Variants in FAM171B observed in about 807,000 individuals in gnomAD.
FAM171B encodes the protein protein FAM171B.
In FAM171B, 19 loss-of-function variants were observed where a neutral mutation model predicts 75.6. The observed-to-expected ratio is 0.25, with a 90% CI of 0.18 to 0.37. FAM171B has a LOEUF of 0.37. FAM171B is among the 10% of genes least tolerant of loss of function. The pLI, the probability that FAM171B is intolerant of heterozygous loss-of-function variation, is 1.00. For synonymous variants in FAM171B, 367 were observed against 361.7 expected, an observed-to-expected ratio of 1.01 and a Z score of -0.17; for missense variants, 848 against 982.4, an observed-to-expected ratio of 0.86 and a Z score of 1.83.
At chr2:186,747,036 G>T in intron 3 of FAM171B, 56 bp from the exon 4 acceptor site, 1 of 1,332,448 alleles carries the variant, frequency 7.5e-7, no homozygotes, top group Non-Finnish European at 1.0e-6. Context: ...CCTGACCAAT[G>T]CTGCTATGCT....
intron 1 of FAM171B, among the ~76,000 whole-genome samples, chr2:186,703,850 T>C (rs1354328581): frequency 6.6e-6 from 1 of 152,098 alleles, no homozygotes; most frequent in Non-Finnish European, 1.5e-5. Flanking sequence ...ATCCATTTAC[T>C]GTAAGAATGA....
intron 1 of FAM171B, among the ~76,000 whole-genome samples, chr2:186,700,596 T>C (rs997740568): frequency 6.6e-6 from 1 of 152,234 alleles, no homozygotes; most frequent in African/African-American, 2.4e-5. Flanking sequence ...TATTGCTGAA[T>C]AAATTGTATG....
chr2:186,758,455 G>A (rs918204795), intron 6 of FAM171B, among the ~76,000 whole-genome samples: 1 of 152,120 alleles, frequency 6.6e-6, no homozygotes, highest in Non-Finnish European at 1.5e-5. Flanking sequence ...GCAGGTGGGA[G>A]CCTTATGCTG....
chr2:186,720,840 A>G (rs754094298), intron 1 of FAM171B, among the ~76,000 whole-genome samples: 4 of 152,150 alleles, frequency 2.6e-5, no homozygotes, highest in African/African-American at 4.8e-5. Flanking sequence ...AAAATTGAAG[A>G]TAACAGTAAT....
chr2:186,762,652 G>C lies in FAM171B; in HGVS notation c.2310G>C (p.Val770=), dbSNP rs1690637481. 4.3e-6 allele frequency: 7 copies of C among 1,613,206 alleles called. No homozygotes were observed. Among genetic ancestry groups the C allele is most frequent in the Admixed American group, 1.7e-5 (1 of 59,824 alleles). The part of the protein sequence containing the change: ...LRHILDGGSG[V]IMEHPGEESP... ...ACATCCTAGATGGAGGGAGTGGAGTGATCATGGAGCACCCTGGAGAAGAGT... is the reference window on the plus strand; with the variant it reads ...ACATCCTAGATGGAGGGAGTGGAGTCATCATGGAGCACCCTGGAGAAGAGT... Residue 770 remains valine (V), a synonymous_variant, in exon 8 of 8, where the codon GTG becomes GTC. Transcript: ENST00000304698. This position sits in a 1 kb window ranked among gnomAD's most constrained non-coding sequence, Gnocchi z 4.0.
At chr2:186,725,418 G>A (rs1026505887) in intron 1 of FAM171B, among the ~76,000 whole-genome samples, 14 of 152,058 alleles carry the variant, frequency 9.2e-5, no homozygotes, top group Admixed American at 5.2e-4. Context: ...CTGATCTTAG[G>A]TGATAACTCA....
At chr2:186,723,797 A>G (rs1689990103) in intron 1 of FAM171B, among the ~76,000 whole-genome samples, 1 of 152,118 alleles carries the variant, frequency 6.6e-6, no homozygotes, top group South Asian at 2.1e-4. Flanking sequence ...CCCACCCTCT[A>G]CTTCAAGGCC....
intron 7 of FAM171B, 59 bp from the exon 8 acceptor site, chr2:186,761,420 A>G: frequency 6.6e-7 from 1 of 1,513,612 alleles, no homozygotes; most frequent in Middle Eastern, 2.3e-4. Context: ...GTGATTTTTA[A>G]TAAATGAACC....
In FAM171B at chr2:186,694,111, C is replaced by A; in HGVS notation, c.-63C>A. ...AGCGGGCGCTGCCAGGAGCCCGCAG[C>A]CCTGGCGCCCGCCGCCGCCCGGAGC... On this transcript the variant is annotated 5_prime_UTR_variant, in exon 1 of 8. Coordinates refer to ENST00000304698, the MANE Select transcript of FAM171B (RefSeq NM_177454.4). 1 of 1,417,752 alleles carries A rather than the reference C, an allele frequency of 7.1e-7. No individual in the cohort carries two copies. Among genetic ancestry groups the A allele is most frequent in the South Asian group, 1.6e-5 (1 of 64,496 alleles). 87.8% of individuals were successfully genotyped at this position (1,417,752 alleles called of 1,614,324 possible). A position where few individuals can be genotyped will look rare whatever the true frequency, so the allele number is the denominator to read the frequency against.
chr2:186,728,105 C>T (rs1399395975), intron 1 of FAM171B, among the ~76,000 whole-genome samples: 1 of 152,100 alleles, frequency 6.6e-6, no homozygotes, highest in Non-Finnish European at 1.5e-5. Context: ...AATTCATGGG[C>T]AGGCCCTCAG....
At position 186,694,466 on chromosome 2, in the gene FAM171B, G is replaced by T. The variant is rs879718829; in HGVS notation, c.238+55G>T. On this transcript the variant is annotated intron_variant, in intron 1 of 7. Transcript: ENST00000304698. ...CAGTCTCGGCCGGCGATCTCTTAGG[G>T]CCTCGCCGGCTTCCTCGCCCCTTCC... The T allele has an allele frequency of 4.5e-6, 7 of 1,552,788 alleles. No individual in the cohort carries two copies. In the Admixed American group the frequency reaches 1.3e-4, roughly 29 times the overall value.
At chr2:186,720,539 G>T (rs1689937022) in intron 1 of FAM171B, among the ~76,000 whole-genome samples, 2 of 152,076 alleles carry the variant, frequency 1.3e-5, no homozygotes, top group South Asian at 4.1e-4. Context: ...AGTAATCACA[G>T]GGACACAATA....
chr2:186,748,990 C>G (rs1365962849), intron 4 of FAM171B, among the ~76,000 whole-genome samples: 2 of 152,084 alleles, frequency 1.3e-5, no homozygotes, highest in African/African-American at 4.8e-5. Context: ...ACTCTATTAC[C>G]TGCTTTTGAG....
chr2:186,700,375 T>C (rs948433435), intron 1 of FAM171B, among the ~76,000 whole-genome samples: 3 of 152,132 alleles, frequency 2.0e-5, no homozygotes, highest in African/African-American at 7.2e-5. Flanking sequence ...TATATCACCT[T>C]AGAAAGTTTC....
intron 1 of FAM171B, among the ~76,000 whole-genome samples, chr2:186,722,701 G>A (rs758583760): frequency 1.3e-5 from 2 of 152,150 alleles, no homozygotes; most frequent in African/African-American, 2.4e-5. Context: ...CCTTTGGGCT[G>A]TACTAAACAG....
At chr2:186,748,010 C>T (rs1690392448) in intron 4 of FAM171B, among the ~76,000 whole-genome samples, 1 of 152,108 alleles carries the variant, frequency 6.6e-6, no homozygotes, top group Non-Finnish European at 1.5e-5. Flanking sequence ...GCAGCCTTAA[C>T]CACCAAGGTT....
At chr2:186,695,320 A>C (rs1289772195) in intron 1 of FAM171B, 6 of 152,190 alleles carry the variant, frequency 3.9e-5, no homozygotes, top group African/African-American at 1.4e-4. Flanking sequence ...TGTATATTGC[A>C]TCTCCCTACC....
chr2:186,754,056 TA>T lies in FAM171B; in HGVS notation c.1012+13del. On this transcript the variant is annotated splice_region_variant and intron_variant, in intron 6 of 7. Coordinates refer to ENST00000304698, the MANE Select transcript of FAM171B (RefSeq NM_177454.4). ...CCACTTCCAGGAACTAGAGGTATTGTAAAAAATGAAAGTAATTAAAACATGT... is the reference window on the plus strand; with the variant it reads ...CCACTTCCAGGAACTAGAGGTATTGTAAAAATGAAAGTAATTAAAACATGT... 1.3e-6 allele frequency: 2 copies of T among 1,571,352 alleles called. No homozygotes were observed. Among genetic ancestry groups the T allele is most frequent in the Non-Finnish European group, 1.7e-6 (2 of 1,157,252 alleles).
chr2:186,712,626 C>A (rs1689825033), intron 1 of FAM171B, among the ~76,000 whole-genome samples: 1 of 152,074 alleles, frequency 6.6e-6, no homozygotes, highest in Non-Finnish European at 1.5e-5. Flanking sequence ...AATTCTTAAA[C>A]CTGGGGCACT....
Sources: allele counts gnomAD v4.1 joint callset (sites outside exome capture counted in the v4.1 genomes callset), GRCh38; gene constraint gnomAD v4.1.1; non-coding constraint Gnocchi (gnomAD v3.1); transcripts MANE v1.5; gene names NCBI Gene and HGNC (gene_info 2026-07-23, HGNC 2026-07-21).